The following ZBED4 variants were observed in gnomAD, a reference collection of about 807,000 sequenced individuals.
The protein encoded by ZBED4 is zinc finger BED domain-containing protein 4.
Under a neutral mutation model 15.5 loss-of-function variants are expected in ZBED4, and 4 were observed. The observed-to-expected ratio is 0.26, with a 90% CI of 0.13 to 0.59. ZBED4 has a LOEUF of 0.59. Among genes scored for constraint, ZBED4 ranks in the 20% least tolerant of loss-of-function variants. The pLI is 0.90. For synonymous variants in ZBED4, 692 were observed against 608.5 expected, an observed-to-expected ratio of 1.14 and a Z score of -2.02; for missense variants, 1,323 against 1,461.8, an observed-to-expected ratio of 0.91 and a Z score of 1.55.
At chr22:49,861,370 G>C (rs1363624261) in intron 1 of ZBED4, among the ~76,000 whole-genome samples, 3 of 152,106 alleles carry the variant, frequency 2.0e-5, no homozygotes, top group African/African-American at 7.2e-5. Flanking sequence ...TCAAACTCTT[G>C]GCTGCAAATG....
chr22:49,863,998 T>TG (rs769164936), intron 1 of ZBED4, among the ~76,000 whole-genome samples: 5 of 152,198 alleles, frequency 3.3e-5, no homozygotes, highest in Non-Finnish European at 5.9e-5. Flanking sequence ...ATATGTTCTG[T>TG]GCTCATCTTG....
chr22:49,885,168 C>A lies in ZBED4; in HGVS notation c.1506C>A (p.Tyr502Ter). 6.2e-7 allele frequency: 1 copy of A among 1,613,534 alleles called. No individual in the cohort carries two copies. Among genetic ancestry groups the A allele is most frequent in the Non-Finnish European group, 8.5e-7 (1 of 1,179,892 alleles). Reference sequence around the variant, plus strand: ...CCAGCTGCCTGATGAGACATCTCTACCGGCGCCATCCAGAAGTTGTCGGGA... The same window carrying A: ...CCAGCTGCCTGATGAGACATCTCTAACGGCGCCATCCAGAAGTTGTCGGGA... The part of the protein sequence containing the change: ...VGTSCLMRHL[Y>*]RRHPEVVGSQ... Residue 502 changes from tyrosine to a stop codon, truncating the protein, a stop_gained, in exon 2 of 2, where the codon TAC becomes TAA. Coordinates refer to ENST00000216268, the MANE Select transcript of ZBED4 (RefSeq NM_014838.3). LOFTEE classifies it low-confidence loss of function (END_TRUNC).
intron 1 of ZBED4, among the ~76,000 whole-genome samples, chr22:49,869,189 CAG>C (rs2060334954): frequency 6.6e-6 from 1 of 151,438 alleles, no homozygotes. Flanking sequence ...ATCTCAGGGT[CAG>C]GGCAGAGTTG....
Position 49,883,944 on chromosome 22 carries a change from A to G in ZBED4, c.282A>G (p.Leu94=). ...TGTTCTCCCAGTACAGCAGCACCCT[A>G]TACGACGTGGCCATGGAGGCCGTGA... ...GALFSQYSST[L]YDVAMEAVTQ... The change falls in exon 2 of 2, where the codon CTA becomes CTG. Residue 94 remains leucine (L), a synonymous_variant. Coordinates refer to ENST00000216268, the MANE Select transcript of ZBED4 (RefSeq NM_014838.3). 1 of 1,613,636 alleles carries G rather than the reference A, an allele frequency of 6.2e-7. No homozygotes were observed. Among genetic ancestry groups the G allele is most frequent in the Non-Finnish European group, 8.5e-7 (1 of 1,179,834 alleles).
intron 1 of ZBED4, among the ~76,000 whole-genome samples, chr22:49,878,333 G>A (rs1464285023): frequency 6.8e-6 from 1 of 146,608 alleles, no homozygotes; most frequent in East Asian, 2.0e-4. Flanking sequence ...TTCATACAGA[G>A]ATAGGCTTTC....
In ZBED4 at chr22:49,889,081, T is replaced by A. The variant is rs1343342908; in HGVS notation, c.*1903T>A. On this transcript the variant is annotated 3_prime_UTR_variant, in exon 2 of 2. Coordinates refer to ENST00000216268, the MANE Select transcript of ZBED4 (RefSeq NM_014838.3). ...CACAACTAACTGTAGCAGAATTGTA[T>A]CCACTCATTCATTCAACTGAGATGA... 6.0e-5 allele frequency: 10 copies of A among 167,258 alleles called. No homozygotes were observed. The highest frequency in any genetic ancestry group is 1.5e-5 in the Non-Finnish European group (1 of 68,132). 10.4% of individuals were successfully genotyped at this position (167,258 alleles called of 1,614,324 possible). A position where few individuals can be genotyped will look rare whatever the true frequency, so the allele number is the denominator to read the frequency against.
Position 49,886,596 on chromosome 22 carries a change from C to A in ZBED4, c.2934C>A (p.Ile978=), listed in dbSNP as rs142875676. Residue 978 remains isoleucine (I), a synonymous_variant, in exon 2 of 2, where the codon ATC becomes ATA. Coordinates refer to ENST00000216268, the MANE Select transcript of ZBED4 (RefSeq NM_014838.3). The surrounding 1 kb of genome is among the most constrained non-coding windows in gnomAD (Gnocchi z 7.7). The part of the protein sequence containing the change: ...VEMLFEETMG[I]DTMLRSLKEA... ...TGCTCTTCGAGGAGACGATGGGCAT[C>A]GACACCATGCTGCGCTCTCTGAAGG... 1 of 1,559,312 alleles carries A rather than the reference C, an allele frequency of 6.4e-7. No individual in the cohort carries two copies. The highest frequency in any genetic ancestry group is 8.7e-7 in the Non-Finnish European group (1 of 1,151,710).
rs532466689 is a variant in ZBED4 at position 49,873,922 on chromosome 22, C to T, written c.-329-9412C>T. On this transcript the variant is annotated intron_variant, in intron 1 of 1. Coordinates refer to ENST00000216268, the MANE Select transcript of ZBED4 (RefSeq NM_014838.3). ...ACATAAGGGCTGGGGAATGGGGCGGCGCTGCCACCAGGGAGGAGAGATGCC... is the reference window on the plus strand; with the variant it reads ...ACATAAGGGCTGGGGAATGGGGCGGTGCTGCCACCAGGGAGGAGAGATGCC... Among the ~76,000 whole-genome samples the T allele has an allele frequency of 2.4e-4, 37 of 152,324 alleles. No individual in the cohort carries two copies. In the South Asian group the frequency reaches 6.8e-3, roughly 28 times the overall value.
intron 1 of ZBED4, among the ~76,000 whole-genome samples, chr22:49,869,827 A>G (rs944541882): frequency 6.6e-6 from 1 of 152,156 alleles, no homozygotes; most frequent in Non-Finnish European, 1.5e-5. Context: ...TTCAACTTTG[A>G]TTTTAGATTC....
Position 49,884,898 on chromosome 22 carries a change from G to T in ZBED4, c.1236G>T (p.Ala412=). The T allele has an allele frequency of 1.2e-6, 2 of 1,602,444 alleles. No homozygotes were observed. Among genetic ancestry groups the T allele is most frequent in the Non-Finnish European group, 1.7e-6 (2 of 1,172,552 alleles). The part of the protein sequence containing the change: ...NPGDGLMEDV[A]AFSSSDDIGE... ...GAGATGGGCTGATGGAAGACGTGGC[G>T]GCCTTCTCATCTTCCGATGACATAG... The change falls in exon 2 of 2, where the codon GCG becomes GCT. Residue 412 remains alanine, a synonymous_variant. Coordinates refer to ENST00000216268, the MANE Select transcript of ZBED4 (RefSeq NM_014838.3).
chr22:49,879,157 A>C (rs2060394234), intron 1 of ZBED4, among the ~76,000 whole-genome samples: 1 of 150,422 alleles, frequency 6.6e-6, no homozygotes, highest in African/African-American at 2.4e-5. Flanking sequence ...AAAAAAACAA[A>C]AAACAAAAAA....
intron 1 of ZBED4, among the ~76,000 whole-genome samples, chr22:49,856,581 G>A (rs1446589319): frequency 2.0e-5 from 3 of 152,212 alleles, no homozygotes; most frequent in Non-Finnish European, 4.4e-5. Flanking sequence ...CAGCTCCCCC[G>A]GGTTGTTTCG....
At chr22:49,853,429 T>C (rs1015468221), upstream of ZBED4, 2 of 151,986 alleles carry the variant, frequency 1.3e-5, no homozygotes, top group African/African-American at 2.4e-5. Flanking sequence ...GGTAAGGGGG[T>C]TCGGGGCGGG....
intron 1 of ZBED4, among the ~76,000 whole-genome samples, chr22:49,864,850 A>G (rs2060312905): frequency 7.2e-6 from 1 of 139,820 alleles, no homozygotes; most frequent in South Asian, 2.3e-4. Context: ...GCCCTGATTA[A>G]ACCGTCGTAG....
intron 1 of ZBED4, among the ~76,000 whole-genome samples, chr22:49,871,753 A>ATT (rs761012447): frequency 1.1e-4 from 5 of 46,734 alleles, no homozygotes; most frequent in East Asian, 2.1e-3. Context: ...TTATTTATTT[A>ATT]TTTATTTTTT....
intron 1 of ZBED4, among the ~76,000 whole-genome samples, chr22:49,864,086 C>T (rs928062355): frequency 3.3e-5 from 5 of 152,166 alleles, no homozygotes; most frequent in African/African-American, 1.2e-4. Flanking sequence ...GTTTCAAAAC[C>T]ACAGTCTGCA....
chr22:49,868,434 A>G (rs1216315271), intron 1 of ZBED4, among the ~76,000 whole-genome samples: 2 of 152,108 alleles, frequency 1.3e-5, no homozygotes, highest in East Asian at 3.8e-4. Flanking sequence ...GCAAAAAATT[A>G]ACTGGGTGGT....
chr22:49,858,035 A>G (rs1407579869), intron 1 of ZBED4, among the ~76,000 whole-genome samples: 3 of 152,122 alleles, frequency 2.0e-5, no homozygotes, highest in African/African-American at 4.8e-5. Context: ...GTGCCAGGAC[A>G]GGACTACAGG....
At chr22:49,855,560 G>A (rs2060271750) in intron 1 of ZBED4, among the ~76,000 whole-genome samples, 1 of 152,210 alleles carries the variant, frequency 6.6e-6, no homozygotes, top group Admixed American at 6.5e-5. Context: ...GAGGAGCTGA[G>A]AAGCAGCTTC....
Sources: gnomAD v4.1 joint callset for allele counts (sites outside exome capture counted in the v4.1 genomes callset) on GRCh38, gnomAD v4.1.1 for gene constraint, Gnocchi (gnomAD v3.1) non-coding constraint, MANE v1.5 for transcripts, NCBI Gene and HGNC (gene_info 2026-07-23, HGNC 2026-07-21) for gene names.